The following KCTD1 variants were observed in gnomAD, a reference collection of about 807,000 sequenced individuals.
KCTD1 encodes the protein BTB/POZ domain-containing protein KCTD1.
Under a neutral mutation model 66.0 loss-of-function variants are expected in KCTD1, and 24 were observed. The ratio of observed to expected loss-of-function variants is 0.36; its 90% CI spans 0.26 to 0.51. The LOEUF is 0.51. KCTD1 is among the 20% of genes least tolerant of loss of function. KCTD1 has a pLI of 0.95. For synonymous variants in KCTD1, 511 were observed against 517.2 expected, an observed-to-expected ratio of 0.99 and a Z score of 0.16; for missense variants, 943 against 1,205.2, an observed-to-expected ratio of 0.78 and a Z score of 3.22.
chr18:26,615,789 T>C (rs1406175691), intron 1 of KCTD1, among the ~76,000 whole-genome samples: 1 of 152,178 alleles, frequency 6.6e-6, no homozygotes, highest in Non-Finnish European at 1.5e-5. Flanking sequence ...GGAATTGGGA[T>C]CACTAGTGCT....
chr18:26,635,589 C>T (rs1324263715), intron 1 of KCTD1, among the ~76,000 whole-genome samples: 2 of 152,214 alleles, frequency 1.3e-5, no homozygotes, highest in Admixed American at 1.3e-4. Flanking sequence ...ATCTCTTAAG[C>T]TAGAGCAGTG....
upstream of KCTD1, among the ~76,000 whole-genome samples, chr18:26,632,290 G>C (rs1296214485): frequency 1.3e-5 from 2 of 151,874 alleles, no homozygotes; most frequent in East Asian, 3.9e-4. Context: ...GGAGGATGAG[G>C]CAGGAGAATT....
intron 2 of KCTD1, among the ~76,000 whole-genome samples, chr18:26,500,839 C>T (rs1241627474): frequency 5.3e-5 from 8 of 152,108 alleles, no homozygotes; most frequent in Admixed American, 4.6e-4. Context: ...TCACAGTATT[C>T]CATTCTCCTG....
At chr18:26,637,113 C>T (rs1764807541) in intron 1 of KCTD1, among the ~76,000 whole-genome samples, 1 of 152,176 alleles carries the variant, frequency 6.6e-6, no homozygotes, top group Admixed American at 6.5e-5. Flanking sequence ...CTGACGCTTC[C>T]AACACTGTGC....
At chr18:26,559,115 T>C (rs1314593774) in intron 1 of KCTD1, among the ~76,000 whole-genome samples, 1 of 151,136 alleles carries the variant, frequency 6.6e-6, no homozygotes, top group African/African-American at 2.4e-5. Flanking sequence ...GGTAGTGGGG[T>C]GGTTGGGGGA....
upstream of KCTD1, among the ~76,000 whole-genome samples, chr18:26,643,789 T>A (rs557576): frequency 6.6e-6 from 1 of 152,004 alleles, no homozygotes; most frequent in Non-Finnish European, 1.5e-5. Context: ...GATGAAACCC[T>A]GTCTCTACTA....
chr18:26,593,060 G>C (rs1986646023), intron 1 of KCTD1, among the ~76,000 whole-genome samples: 1 of 152,112 alleles, frequency 6.6e-6, no homozygotes, highest in African/African-American at 2.4e-5. Flanking sequence ...AGAGAATGCT[G>C]GTCTCTCCAG....
chr18:26,598,471 T>TACACACACACACACAC lies in KCTD1; in HGVS notation c.-16+30660_-16+30675dup, dbSNP rs4041522. Among the ~76,000 whole-genome samples the TACACACACACACACAC allele has an allele frequency of 7.2e-3, 1,080 of 149,760 alleles. 9 individuals are homozygous for TACACACACACACACAC. The highest frequency in any genetic ancestry group is 0.025 in the African/African-American group (1,013 of 40,754). ...ATATATGTTTTCAATTCTCTTTTTT[T>TACACACACACACACAC]ACACACACACACACACACACACACA... is the stretch of plus-strand genomic sequence containing the variant. On this transcript the variant is annotated intron_variant, in intron 1 of 4. Transcript: ENST00000317932.
chr18:26,600,263 G>T, intron 1 of KCTD1: 8 of 1,606,860 alleles, frequency 5.0e-6, no homozygotes, highest in Non-Finnish European at 6.8e-6. Flanking sequence ...CGCTGTGCCA[G>T]CTGCCCCTAC....
intron 1 of KCTD1, among the ~76,000 whole-genome samples, chr18:26,556,366 A>G (rs1171296501): frequency 2.6e-5 from 4 of 152,132 alleles, no homozygotes; most frequent in East Asian, 1.9e-4. Context: ...TAGTCTTCCT[A>G]CAGCCTGTCC....
At chr18:26,582,335 C>T (rs1986374284) in intron 1 of KCTD1, among the ~76,000 whole-genome samples, 2 of 151,446 alleles carry the variant, frequency 1.3e-5, no homozygotes, top group African/African-American at 4.9e-5. Context: ...GCAAATGGCT[C>T]CTTAAGCCTA....
intron 1 of KCTD1, among the ~76,000 whole-genome samples, chr18:26,588,856 A>G (rs1309163259): frequency 8.0e-6 from 1 of 125,486 alleles, no homozygotes; most frequent in Non-Finnish European, 1.7e-5. Flanking sequence ...CTTTTTCACA[A>G]GAATCGAATG....
chr18:26,520,799 G>C (rs934812100), intron 1 of KCTD1, among the ~76,000 whole-genome samples: 1 of 152,232 alleles, frequency 6.6e-6, no homozygotes, highest in Non-Finnish European at 1.5e-5. Context: ...GAGATAGTAA[G>C]AAGAGTCCTC....
At chr18:26,527,494 G>C (rs528615819) in intron 1 of KCTD1, among the ~76,000 whole-genome samples, 4 of 124,302 alleles carry the variant, frequency 3.2e-5, no homozygotes, top group Admixed American at 1.5e-4. Context: ...AAAAAAAAAG[G>C]GGGGGGGGCG....
intron 1 of KCTD1, among the ~76,000 whole-genome samples, chr18:26,536,264 GATT>G (rs1198739238): frequency 6.6e-6 from 1 of 152,190 alleles, no homozygotes; most frequent in Non-Finnish European, 1.5e-5. Context: ...GATTTTGTGG[GATT>G]ATTGTACATA....
chr18:26,610,723 GAAGA>G (rs1409233840), intron 1 of KCTD1, among the ~76,000 whole-genome samples: 1 of 152,032 alleles, frequency 6.6e-6, no homozygotes, highest in African/African-American at 2.4e-5. Context: ...AGAAAGAAAG[GAAGA>G]AAGGAGTCTA....
intron 2 of KCTD1, among the ~76,000 whole-genome samples, chr18:26,497,469 G>A (rs1982537998): frequency 6.6e-6 from 1 of 152,152 alleles, no homozygotes; most frequent in South Asian, 2.1e-4. Context: ...TATCCAAGAG[G>A]GGTTGATAAT....
chr18:26,542,721 A>G (rs1985032524), intron 1 of KCTD1, among the ~76,000 whole-genome samples: 1 of 152,212 alleles, frequency 6.6e-6, no homozygotes, highest in African/African-American at 2.4e-5. Context: ...GTCAAATTTT[A>G]AAATCAGGGT....
chr18:26,555,379 T>A (rs887125933), intron 1 of KCTD1, among the ~76,000 whole-genome samples: 2 of 152,172 alleles, frequency 1.3e-5, no homozygotes, highest in African/African-American at 4.8e-5. Flanking sequence ...GAGCCGAGAT[T>A]GCGCCACTGC....
Sources: allele counts gnomAD v4.1 joint callset (sites outside exome capture counted in the v4.1 genomes callset), GRCh38; gene constraint gnomAD v4.1.1; transcripts MANE v1.5; gene names NCBI Gene and HGNC (gene_info 2026-07-23, HGNC 2026-07-21).